Variants in MAP2K5 observed in about 807,000 individuals in gnomAD.
MAP2K5 encodes the protein mitogen-activated protein kinase kinase 5.
Under a neutral mutation model 83.1 loss-of-function variants are expected in MAP2K5, and 49 were observed. The ratio of observed to expected loss-of-function variants is 0.59; its 90% CI spans 0.47 to 0.75. The LOEUF (loss-of-function observed/expected upper bound fraction) is 0.75, where lower values mean the gene tolerates loss of function less well. MAP2K5 is among the 30% of genes least tolerant of loss of function. The probability of loss-of-function intolerance (pLI) is 0.00; values close to 1 mark genes in which losing one functional copy is unlikely to be tolerated. For missense variants in MAP2K5, 457 were observed against 557.5 expected, an observed-to-expected ratio of 0.82 and a Z score of 1.82; for synonymous variants, 202 against 191.8, an observed-to-expected ratio of 1.05 and a Z score of -0.44.
rs1670881036 is a variant in MAP2K5 at position 67,572,697 on chromosome 15, A to T, written c.253-8057A>T. On this transcript the variant is annotated intron_variant, in intron 3 of 21. Transcript: ENST00000178640. This position sits in a 1 kb window ranked among gnomAD's most constrained non-coding sequence, Gnocchi z 4.2. ...ACTATATTTTGCAAGAATTGATATT[A>T]TTATTATTATTTTTTTTTTTGAGAT... 7.9e-6 allele frequency among the ~76,000 whole-genome samples: 1 copy of T among 126,956 alleles called. No individual in the cohort carries two copies. The highest frequency in any genetic ancestry group is 2.6e-5 in the African/African-American group (1 of 37,974). The allele number at this position is 126,956 out of a possible 152,430, so 83.3% of individuals were successfully genotyped here.
intron 8 of MAP2K5, among the ~76,000 whole-genome samples, chr15:67,615,294 G>C (rs113426585): frequency 0.012 from 1,814 of 152,234 alleles, 47 homozygotes; most frequent in African/African-American, 0.041. Flanking sequence ...CACTGTGCCC[G>C]GCCTGTTTCT....
At chr15:67,566,270 G>A (rs753634255) in intron 3 of MAP2K5, among the ~76,000 whole-genome samples, 1 of 152,008 alleles carries the variant, frequency 6.6e-6, no homozygotes, top group South Asian at 2.1e-4. Flanking sequence ...CGCCTCCTGG[G>A]TTCAAGTGAT....
Position 67,713,998 on chromosome 15 carries a change from A to G in MAP2K5, c.1044+10590A>G, listed in dbSNP as rs114162317. Among the ~76,000 whole-genome samples the G allele has an allele frequency of 5.5e-3, 831 of 152,296 alleles. 12 individuals are homozygous for G. Among genetic ancestry groups the G allele is most frequent in the African/African-American group, 0.019 (782 of 41,566 alleles). ...CACTCCAAGTGTCAGTTTCTTATGT[A>G]TAAGTTGAAGGTAACATTAGAATTC... On this transcript the variant is annotated intron_variant, in intron 16 of 21. Transcript: ENST00000178640.
intron 7 of MAP2K5, among the ~76,000 whole-genome samples, chr15:67,593,385 G>C (rs1404936924): frequency 6.6e-6 from 1 of 152,194 alleles, no homozygotes; most frequent in Non-Finnish European, 1.5e-5. Context: ...TAGGGAGGCA[G>C]AGTGACAGCA....
chr15:67,557,073 C>T (rs920271254), intron 2 of MAP2K5, among the ~76,000 whole-genome samples: 13 of 152,156 alleles, frequency 8.5e-5, no homozygotes, highest in African/African-American at 2.9e-4. Flanking sequence ...GCTGTAAGAG[C>T]TTGACATTCA....
At position 67,565,562 on chromosome 15, in the gene MAP2K5, G is replaced by C. The variant is rs1051109509; in HGVS notation, c.252+2212G>C. On this transcript the variant is annotated intron_variant, in intron 3 of 21. Coordinates refer to ENST00000178640, the MANE Select transcript of MAP2K5 (RefSeq NM_145160.3). The surrounding 1 kb of genome is among the most constrained non-coding windows in gnomAD (Gnocchi z 4.1). Reference sequence around the variant, plus strand: ...CATTATTAAATTCTGAATAATTTGGGTTTATATAATACCTTAGTTGTGATT... The same window carrying C: ...CATTATTAAATTCTGAATAATTTGGCTTTATATAATACCTTAGTTGTGATT... 2.0e-5 allele frequency among the ~76,000 whole-genome samples: 3 copies of C among 152,022 alleles called. No homozygotes were observed. Among genetic ancestry groups the C allele is most frequent in the African/African-American group, 7.3e-5 (3 of 41,366 alleles).
At position 67,561,418 on chromosome 15, in the gene MAP2K5, C is replaced by T. The variant is rs746054025; in HGVS notation, c.185-1865C>T. 7.2e-5 allele frequency among the ~76,000 whole-genome samples: 11 copies of T among 152,148 alleles called. No individual in the cohort carries two copies. The highest frequency in any genetic ancestry group is 1.3e-4 in the Admixed American group (2 of 15,274). On this transcript the variant is annotated intron_variant, in intron 2 of 21. Coordinates refer to ENST00000178640, the MANE Select transcript of MAP2K5 (RefSeq NM_145160.3). This position sits in a 1 kb window ranked among gnomAD's most constrained non-coding sequence, Gnocchi z 4.2. ...GGCTCTAGAGATTCTATATCTAAAG[C>T]GAATGAAAGAATCTTTATGTGTGTA...
intron 13 of MAP2K5, among the ~76,000 whole-genome samples, chr15:67,673,460 G>T (rs900006719): frequency 6.6e-6 from 1 of 152,022 alleles, no homozygotes; most frequent in African/African-American, 2.4e-5. Flanking sequence ...AAATTATTTT[G>T]TTATATTTAT....
rs542327769 is a variant in MAP2K5, at chr15:67,783,480, A to G, written c.1242+10728A>G. 6.6e-6 allele frequency among the ~76,000 whole-genome samples: 1 copy of G among 152,298 alleles called. No homozygotes were observed. Among genetic ancestry groups the G allele is most frequent in the East Asian group, 1.9e-4 (1 of 5,180 alleles). Reference sequence around the variant, plus strand: ...TCTCCACCTCCGAAACCCAACTGGCACAACCTCTGTGAAGCTTTGCTAAGC... The same window carrying G: ...TCTCCACCTCCGAAACCCAACTGGCGCAACCTCTGTGAAGCTTTGCTAAGC... On this transcript the variant is annotated intron_variant, in intron 21 of 21. Coordinates refer to ENST00000178640, the MANE Select transcript of MAP2K5 (RefSeq NM_145160.3). The surrounding 1 kb of genome is among the most constrained non-coding windows in gnomAD (Gnocchi z 5.1).
At chr15:67,593,223 C>G (rs1279482146) in intron 7 of MAP2K5, among the ~76,000 whole-genome samples, 1 of 152,204 alleles carries the variant, frequency 6.6e-6, no homozygotes, top group Non-Finnish European at 1.5e-5. Flanking sequence ...AAAAGTTAAT[C>G]AGTTCTGAAC....
chr15:67,705,436 A>G (rs1307086646), intron 16 of MAP2K5, among the ~76,000 whole-genome samples: 1 of 151,200 alleles, frequency 6.6e-6, no homozygotes, highest in South Asian at 2.1e-4. Context: ...CCCATGGAGG[A>G]AAAAAAAAGC....
chr15:67,779,678 T>C lies in MAP2K5; in HGVS notation c.1242+6926T>C, dbSNP rs192521598. Reference sequence around the variant, plus strand: ...ATGATGATGACTTGCCTGTTTAAGATTGTAGTTATTTGAACTCATGTCTCT... The same window carrying C: ...ATGATGATGACTTGCCTGTTTAAGACTGTAGTTATTTGAACTCATGTCTCT... On this transcript the variant is annotated intron_variant, in intron 21 of 21. Coordinates refer to ENST00000178640, the MANE Select transcript of MAP2K5 (RefSeq NM_145160.3). The surrounding 1 kb of genome is among the most constrained non-coding windows in gnomAD (Gnocchi z 4.6). 6.6e-6 allele frequency among the ~76,000 whole-genome samples: 1 copy of C among 152,324 alleles called. No individual in the cohort carries two copies. The highest frequency in any genetic ancestry group is 6.5e-5 in the Admixed American group (1 of 15,300).
intron 15 of MAP2K5, 41 bp downstream of exon 15, chr15:67,693,609 C>G (rs1413461980): frequency 7.3e-7 from 1 of 1,378,676 alleles, no homozygotes; most frequent in African/African-American, 1.4e-5. Flanking sequence ...AAACCAACAT[C>G]TTTATCTTTA....
intron 16 of MAP2K5, among the ~76,000 whole-genome samples, chr15:67,723,267 C>G (rs2089009524): frequency 6.6e-6 from 1 of 152,258 alleles, no homozygotes; most frequent in African/African-American, 2.4e-5. Context: ...GTTATGATCT[C>G]TCTTTCACGC....
intron 15 of MAP2K5, among the ~76,000 whole-genome samples, chr15:67,701,963 A>G (rs749419130): frequency 6.6e-6 from 1 of 152,196 alleles, no homozygotes; most frequent in Non-Finnish European, 1.5e-5. Flanking sequence ...ATGCTAACCC[A>G]TAGCTCTAGA....
rs74023015 is a variant in MAP2K5, at chr15:67,592,347, C to G, written c.432-579C>G. On this transcript the variant is annotated intron_variant, in intron 6 of 21. Transcript: ENST00000178640. ...TTGTAATATTTAATTTTTCTGGTTA[C>G]CCTATAAAATTGGTATTTTCCCCAT... Among the ~76,000 whole-genome samples the G allele has an allele frequency of 7.8e-3, 1,187 of 152,100 alleles. 20 individuals are homozygous for G. Among genetic ancestry groups the G allele is most frequent in the African/African-American group, 0.027 (1,120 of 41,494 alleles).
chr15:67,629,923 G>A (rs1258602978), intron 8 of MAP2K5, among the ~76,000 whole-genome samples: 1 of 152,116 alleles, frequency 6.6e-6, no homozygotes, highest in African/African-American at 2.4e-5. Context: ...AGTCCCCACA[G>A]TATATGTGTA....
At chr15:67,588,079 T>G in intron 6 of MAP2K5, 2 of 985,328 alleles carry the variant, frequency 2.0e-6, no homozygotes, top group Non-Finnish European at 2.4e-6. Flanking sequence ...TTCCCTGCTT[T>G]AAAACCTTCA....
At chr15:67,634,800 T>G (rs2086563426) in intron 9 of MAP2K5, among the ~76,000 whole-genome samples, 2 of 152,190 alleles carry the variant, frequency 1.3e-5, no homozygotes, top group South Asian at 4.1e-4. Context: ...GTGTCATTAT[T>G]TTTGAAATGT....
Sources: gnomAD v4.1 joint callset for allele counts (sites outside exome capture counted in the v4.1 genomes callset) on GRCh38, gnomAD v4.1.1 for gene constraint, Gnocchi (gnomAD v3.1) non-coding constraint, MANE v1.5 for transcripts, NCBI Gene and HGNC (gene_info 2026-07-23, HGNC 2026-07-21) for gene names.